DYNC1I1: variants seen among roughly 807,000 people sequenced by gnomAD.
The protein encoded by DYNC1I1 is cytoplasmic dynein 1 intermediate chain 1.
DYNC1I1 carries 43 observed loss-of-function variants against 86.6 expected under a neutral mutation model. The observed-to-expected ratio is 0.50, with a 90% confidence interval of 0.39 to 0.64. The LOEUF is 0.64. Ranked by LOEUF, DYNC1I1 falls within the 30% of genes least tolerant of loss-of-function variation. The probability of loss-of-function intolerance (pLI) is 0.00; values close to 1 mark genes in which losing one functional copy is unlikely to be tolerated. For synonymous variants in DYNC1I1, 262 were observed against 283.7 expected, an observed-to-expected ratio of 0.92 and a Z score of 0.77; for missense variants, 604 against 788.8, an observed-to-expected ratio of 0.77 and a Z score of 2.81.
At chr7:96,088,749 T>C (rs916187577) in intron 16 of DYNC1I1, among the ~76,000 whole-genome samples, 2 of 152,152 alleles carry the variant, frequency 1.3e-5, no homozygotes, top group Non-Finnish European at 2.9e-5. Flanking sequence ...ATCTGCTTAT[T>C]CATGTTTCCT....
chr7:95,987,023 C>G (rs1264641433), intron 8 of DYNC1I1, 33 bp from the exon 9 acceptor site: 2 of 1,591,152 alleles, frequency 1.3e-6, no homozygotes, highest in African/African-American at 1.3e-5. Flanking sequence ...AGAAAGAGCT[C>G]CATATTTATC....
At chr7:96,088,449 G>A (rs1563001168) in intron 16 of DYNC1I1, among the ~76,000 whole-genome samples, 1 of 152,084 alleles carries the variant, frequency 6.6e-6, no homozygotes, top group Non-Finnish European at 1.5e-5. Context: ...GTTTCAAACT[G>A]TCATCTTCAA....
chr7:95,945,780 G>C (rs576805215), intron 6 of DYNC1I1, among the ~76,000 whole-genome samples: 1 of 151,984 alleles, frequency 6.6e-6, no homozygotes, highest in Non-Finnish European at 1.5e-5. Context: ...TTAGTAGAGT[G>C]GCTGTTTAAA....
At chr7:96,031,670 C>T (rs1365483871) in intron 11 of DYNC1I1, among the ~76,000 whole-genome samples, 1 of 152,046 alleles carries the variant, frequency 6.6e-6, no homozygotes, top group Non-Finnish European at 1.5e-5. Context: ...AGCAACTTTC[C>T]AATATTAAAT....
chr7:95,989,197 T>C (rs1793669607), intron 9 of DYNC1I1, among the ~76,000 whole-genome samples: 1 of 152,116 alleles, frequency 6.6e-6, no homozygotes. Flanking sequence ...AGCTATAAAA[T>C]GGTAAGTCCC....
At chr7:96,014,617 G>C (rs1017458625) in intron 10 of DYNC1I1, among the ~76,000 whole-genome samples, 3 of 152,156 alleles carry the variant, frequency 2.0e-5, no homozygotes, top group Non-Finnish European at 4.4e-5. Flanking sequence ...GGGGCTCAAA[G>C]CACATAACTT....
At chr7:95,987,874 C>A (rs1584228917) in intron 9 of DYNC1I1, among the ~76,000 whole-genome samples, 1 of 152,138 alleles carries the variant, frequency 6.6e-6, no homozygotes, top group African/African-American at 2.4e-5. Context: ...ACAATATACC[C>A]AAAAGCCTAA....
intron 10 of DYNC1I1, among the ~76,000 whole-genome samples, chr7:96,008,982 A>T (rs1794206554): frequency 6.6e-6 from 1 of 152,234 alleles, no homozygotes; most frequent in Non-Finnish European, 1.5e-5. Context: ...ATTAAATATA[A>T]GATGGCAAAA....
chr7:95,797,593 A>G (rs944890290), intron 1 of DYNC1I1, among the ~76,000 whole-genome samples: 2 of 152,240 alleles, frequency 1.3e-5, no homozygotes, highest in African/African-American at 4.8e-5. Flanking sequence ...TGAGTAAAAG[A>G]TCGATTCAAC....
chr7:95,954,507 T>G (rs1792650645), intron 6 of DYNC1I1, among the ~76,000 whole-genome samples: 1 of 152,042 alleles, frequency 6.6e-6, no homozygotes, highest in Non-Finnish European at 1.5e-5. Flanking sequence ...CTCATCACTT[T>G]TACAATGATC....
At chr7:95,823,952 C>T (rs1277139272) in intron 4 of DYNC1I1, among the ~76,000 whole-genome samples, 1 of 77,902 alleles carries the variant, frequency 1.3e-5, no homozygotes, top group Non-Finnish European at 2.2e-5. Flanking sequence ...TTCTACTAAA[C>T]TATATATATA....
chr7:96,107,092 T>C (rs1488307291), intron 16 of DYNC1I1, among the ~76,000 whole-genome samples: 1 of 152,080 alleles, frequency 6.6e-6, no homozygotes, highest in South Asian at 2.1e-4. Flanking sequence ...AGTGGCATGA[T>C]CTTGGCTCAC....
intron 5 of DYNC1I1, among the ~76,000 whole-genome samples, chr7:95,846,430 A>G (rs571482542): frequency 2.6e-5 from 4 of 152,276 alleles, no homozygotes; most frequent in South Asian, 4.1e-4. Context: ...TTTGCTGCCA[A>G]ACTAATATCT....
At chr7:95,803,891 T>C (rs1048078380) in intron 1 of DYNC1I1, among the ~76,000 whole-genome samples, 6 of 152,208 alleles carry the variant, frequency 3.9e-5, no homozygotes, top group Non-Finnish European at 7.3e-5. Context: ...AAACTGATTT[T>C]ATTTAAAAAT....
chr7:95,987,187 G>C, intron 9 of DYNC1I1, 32 bp downstream of exon 9: 1 of 1,570,798 alleles, frequency 6.4e-7, no homozygotes, highest in Non-Finnish European at 8.7e-7. Context: ...GGACAAACTG[G>C]GCTTGTGTTC....
rs1442136454 is a variant in DYNC1I1, at chr7:95,802,299, A to G, written c.-9-2422A>G. ...TACTGGACCTTCCTTTTTTGCTTCC[A>G]TATTTAAAGGCTACTAAGAGTTCCT... is the stretch of plus-strand genomic sequence containing the variant. On this transcript the variant is annotated intron_variant, in intron 1 of 16. Transcript: ENST00000447467. 3.3e-5 allele frequency among the ~76,000 whole-genome samples: 5 copies of G among 151,920 alleles called. No individual in the cohort carries two copies. The East Asian group carries it at 7.7e-4, about 24-fold the overall frequency.
rs538484604 is a variant in DYNC1I1, at chr7:95,929,861, T to C, written c.491-47651T>C. 3.3e-5 allele frequency among the ~76,000 whole-genome samples: 5 copies of C among 152,374 alleles called. No homozygotes were observed. In the East Asian group the frequency reaches 7.7e-4, roughly 23 times the overall value. On this transcript the variant is annotated intron_variant, in intron 6 of 16. Coordinates refer to ENST00000447467, the MANE Select transcript of DYNC1I1 (RefSeq NM_001135556.2). ...TGTGGTTCATTCACTACCATGACTA[T>C]GTAGTATTTCACTGTGTGACTATGC...
chr7:95,797,220 TA>T (rs199583059), intron 1 of DYNC1I1, among the ~76,000 whole-genome samples: 1 of 151,022 alleles, frequency 6.6e-6, no homozygotes, highest in Non-Finnish European at 1.5e-5. Flanking sequence ...CTAGCGGCCT[TA>T]AAAAAAAAGA....
In DYNC1I1 at chr7:96,040,130, A is replaced by C. The variant is rs546638415; in HGVS notation, c.1509+709A>C. The stretch of plus-strand genomic sequence containing the variant: ...ATGCCTGTAGTCCCAGCTACTCTCG[A>C]GGCTGAGGCAGGAGAATCACTTGAA... On this transcript the variant is annotated intron_variant, in intron 14 of 16. Coordinates refer to ENST00000447467, the MANE Select transcript of DYNC1I1 (RefSeq NM_001135556.2). 2.0e-3 allele frequency among the ~76,000 whole-genome samples: 297 copies of C among 152,230 alleles called. 3 individuals carry two copies. The Middle Eastern group carries it at 0.024, about 12-fold the overall frequency.
Sources: allele counts gnomAD v4.1 joint callset (sites outside exome capture counted in the v4.1 genomes callset), GRCh38; gene constraint gnomAD v4.1.1; transcripts MANE v1.5; gene names NCBI Gene and HGNC (gene_info 2026-07-23, HGNC 2026-07-21).